The following GALNT7 variants were observed in gnomAD, a reference collection of about 807,000 sequenced individuals.
The protein encoded by GALNT7 is polypeptide N-acetylgalactosaminyltransferase 7, also known as N-acetylgalactosaminyltransferase 7.
Under a neutral mutation model 82.1 loss-of-function variants are expected in GALNT7, and 60 were observed. The ratio of observed to expected loss-of-function variants is 0.73; its 90% CI spans 0.59 to 0.91. GALNT7 has a LOEUF of 0.91. GALNT7 is among the 40% of genes least tolerant of loss of function. The pLI, the probability that GALNT7 is intolerant of heterozygous loss-of-function variation, is 0.00. For synonymous variants in GALNT7, 243 were observed against 275.1 expected, an observed-to-expected ratio of 0.88 and a Z score of 1.15; for missense variants, 660 against 804.2, an observed-to-expected ratio of 0.82 and a Z score of 2.17.
At chr4:173,178,748 G>A (rs1732155071) in intron 1 of GALNT7, among the ~76,000 whole-genome samples, 1 of 152,132 alleles carries the variant, frequency 6.6e-6, no homozygotes, top group Non-Finnish European at 1.5e-5. Flanking sequence ...GAGCAGCCTG[G>A]TTTCCCAAAT....
chr4:173,171,991 A>G (rs1731890848), intron 1 of GALNT7, among the ~76,000 whole-genome samples: 1 of 152,212 alleles, frequency 6.6e-6, no homozygotes, highest in African/African-American at 2.4e-5. Flanking sequence ...GTCTGAAGCA[A>G]CTCGATTCTT....
intron 1 of GALNT7, among the ~76,000 whole-genome samples, chr4:173,188,364 A>G (rs111576664): frequency 1.2e-3 from 182 of 152,320 alleles, no homozygotes; most frequent in African/African-American, 3.9e-3. Context: ...TCTATGAACC[A>G]AGGTGTATTA....
chr4:173,183,800 C>G (rs139904459), intron 1 of GALNT7, among the ~76,000 whole-genome samples: 1 of 150,834 alleles, frequency 6.6e-6, no homozygotes, highest in East Asian at 2.0e-4. Flanking sequence ...ACCTCCCTGA[C>G]GGCGCGGCTG....
intron 11 of GALNT7, among the ~76,000 whole-genome samples, chr4:173,319,719 A>G (rs1461928629): frequency 6.6e-6 from 1 of 152,208 alleles, no homozygotes; most frequent in Non-Finnish European, 1.5e-5. Context: ...ATTACTGAAC[A>G]TTCACTTGGG....
chr4:173,294,730 T>C (rs1736658444), intron 3 of GALNT7, among the ~76,000 whole-genome samples: 1 of 152,178 alleles, frequency 6.6e-6, no homozygotes, highest in Non-Finnish European at 1.5e-5. Flanking sequence ...TGTGTCTGGT[T>C]TTTATAACAC....
chr4:173,236,995 T>G (rs1734253978), intron 1 of GALNT7, among the ~76,000 whole-genome samples: 1 of 152,340 alleles, frequency 6.6e-6, no homozygotes, highest in South Asian at 2.1e-4. Flanking sequence ...GACCTCTTGA[T>G]AGTTAAAAAG....
rs1737791305 is a variant in GALNT7 at position 173,320,926 on chromosome 4, T to C, written c.1837-654T>C. ...AGCAATACAACTATAGGTACTAGCA[T>C]AGTTTGATTCATGCTAAGGCACCAT... On this transcript the variant is annotated intron_variant, in intron 11 of 11. Coordinates refer to ENST00000265000, the MANE Select transcript of GALNT7 (RefSeq NM_017423.3). This position sits in a 1 kb window ranked among gnomAD's most constrained non-coding sequence, Gnocchi z 4.1. 1.3e-5 allele frequency among the ~76,000 whole-genome samples: 2 copies of C among 152,204 alleles called. No individual in the cohort carries two copies. The highest frequency in any genetic ancestry group is 2.9e-5 in the Non-Finnish European group (2 of 68,012).
At chr4:173,188,472 G>A (rs943454001) in intron 1 of GALNT7, among the ~76,000 whole-genome samples, 1 of 152,178 alleles carries the variant, frequency 6.6e-6, no homozygotes, top group African/African-American at 2.4e-5. Context: ...ACATTGGTAC[G>A]TTAAAAGCTT....
chr4:173,253,554 T>G (rs1734921787), intron 2 of GALNT7, among the ~76,000 whole-genome samples: 1 of 152,074 alleles, frequency 6.6e-6, no homozygotes, highest in South Asian at 2.1e-4. Flanking sequence ...GGAACTCCAG[T>G]GGAGGTTATA....
intron 2 of GALNT7, among the ~76,000 whole-genome samples, chr4:173,270,379 G>T (rs1735678609): frequency 6.6e-6 from 1 of 152,118 alleles, no homozygotes; most frequent in South Asian, 2.1e-4. Flanking sequence ...AAAAATGCTT[G>T]TTTTTGTGAC....
chr4:173,190,335 A>C (rs953268054), intron 1 of GALNT7, among the ~76,000 whole-genome samples: 1 of 152,238 alleles, frequency 6.6e-6, no homozygotes, highest in Non-Finnish European at 1.5e-5. Context: ...AGCCATGTGC[A>C]TAGCTAAAAA....
intron 1 of GALNT7, among the ~76,000 whole-genome samples, chr4:173,240,240 C>G (rs2126724717): frequency 6.6e-6 from 1 of 152,172 alleles, no homozygotes; most frequent in East Asian, 1.9e-4. Flanking sequence ...TGAAGAGGTG[C>G]CTCCCCACCA....
chr4:173,219,921 A>AT (rs1733588928), intron 1 of GALNT7, among the ~76,000 whole-genome samples: 2 of 151,574 alleles, frequency 1.3e-5, no homozygotes, highest in Admixed American at 1.3e-4. Flanking sequence ...GATTGTGAAG[A>AT]TTTTCTCCCA....
In GALNT7 at chr4:173,196,732, C is replaced by T. The variant is rs118071259; in HGVS notation, c.126+27771C>T. 5.3e-5 allele frequency among the ~76,000 whole-genome samples: 8 copies of T among 152,168 alleles called. No individual in the cohort carries two copies. In the East Asian group the frequency reaches 1.4e-3, roughly 26 times the overall value. ...GACAGGCCCCAGTGTGCGTTGTTAC[C>T]CACCATGCGTCCATGTGTTCTCATC... On this transcript the variant is annotated intron_variant, in intron 1 of 11. Coordinates refer to ENST00000265000, the MANE Select transcript of GALNT7 (RefSeq NM_017423.3).
At chr4:173,231,845 A>G (rs1379126289) in intron 1 of GALNT7, among the ~76,000 whole-genome samples, 11 of 152,376 alleles carry the variant, frequency 7.2e-5, no homozygotes, top group Non-Finnish European at 1.5e-4. Flanking sequence ...AGGAAGACAC[A>G]TAACAGAAGC....
intron 1 of GALNT7, among the ~76,000 whole-genome samples, chr4:173,236,828 G>C (rs139604487): frequency 6.6e-6 from 1 of 152,214 alleles, no homozygotes; most frequent in Non-Finnish European, 1.5e-5. Flanking sequence ...CTTTTATATA[G>C]AGTACCTGGC....
At chr4:173,206,004 A>G (rs1020829426) in intron 1 of GALNT7, among the ~76,000 whole-genome samples, 1 of 151,632 alleles carries the variant, frequency 6.6e-6, no homozygotes, top group Non-Finnish European at 1.5e-5. Context: ...GGCTCAGTCC[A>G]CAGATAGTTA....
chr4:173,313,323 C>A (rs1285658438), intron 8 of GALNT7, among the ~76,000 whole-genome samples: 4 of 151,830 alleles, frequency 2.6e-5, no homozygotes, highest in Non-Finnish European at 5.9e-5. Context: ...AATTCCAACA[C>A]TTTGGGAGGC....
At chr4:173,285,944 A>G (rs1391664553) in intron 2 of GALNT7, among the ~76,000 whole-genome samples, 2 of 152,204 alleles carry the variant, frequency 1.3e-5, no homozygotes, top group African/African-American at 4.8e-5. Context: ...ACCAGAAGTC[A>G]TTCTAGGGTC....
Sources: gnomAD v4.1 joint callset for allele counts (sites outside exome capture counted in the v4.1 genomes callset) on GRCh38, gnomAD v4.1.1 for gene constraint, Gnocchi (gnomAD v3.1) non-coding constraint, MANE v1.5 for transcripts, NCBI Gene and HGNC (gene_info 2026-07-23, HGNC 2026-07-21) for gene names.